Variants in KRABD5 observed in about 807,000 individuals in gnomAD.
KRABD5 encodes KRAB domain containing 5, also known as KRAB domain-containing protein 5.
chr16:31,718,783 C>G, the KRABD5 span, among the ~76,000 whole-genome samples: 2,644 of 152,292 alleles, frequency 0.017, 75 homozygotes, highest in African/African-American at 0.061. Flanking sequence ...GCCCAAATCA[C>G]TACTGGGGCA....
chr16:31,752,124 T>TTAC, the KRABD5 span, among the ~76,000 whole-genome samples: 1 of 152,230 alleles, frequency 6.6e-6, no homozygotes, highest in Non-Finnish European at 1.5e-5. Flanking sequence ...AAAGTATGAC[T>TTAC]GGTATGATTT....
At chr16:31,740,748 A>T in the KRABD5 span, among the ~76,000 whole-genome samples, 1 of 152,052 alleles carries the variant, frequency 6.6e-6, no homozygotes, top group Non-Finnish European at 1.5e-5. Flanking sequence ...ACATTGAGCT[A>T]TGATTGTACC....
the KRABD5 span, among the ~76,000 whole-genome samples, chr16:31,742,306 C>A: frequency 1.3e-5 from 2 of 152,050 alleles, no homozygotes; most frequent in African/African-American, 4.8e-5. Context: ...TGTTCCTTCC[C>A]CTCACCCACC....
At chr16:31,742,467 C>T in the KRABD5 span, among the ~76,000 whole-genome samples, 1 of 152,208 alleles carries the variant, frequency 6.6e-6, no homozygotes, top group African/African-American at 2.4e-5. Context: ...CAGCTTCATT[C>T]ACGTCCCTGC....
At chr16:31,721,478 TATAA>T in the KRABD5 span, among the ~76,000 whole-genome samples, 3 of 151,124 alleles carry the variant, frequency 2.0e-5, no homozygotes, top group African/African-American at 4.8e-5. Flanking sequence ...AATAAATAAA[TATAA>T]ATAAATAATA....
the KRABD5 span, chr16:31,723,338 G>A: frequency 3.1e-6 from 5 of 1,612,848 alleles, no homozygotes; most frequent in Non-Finnish European, 4.2e-6. Context: ...TGCAGAGACA[G>A]TAGCCATCCA....
chr16:31,718,795 C>T, the KRABD5 span, among the ~76,000 whole-genome samples: 1 of 152,182 alleles, frequency 6.6e-6, no homozygotes, highest in Non-Finnish European at 1.5e-5. Flanking sequence ...ACTGGGGCAT[C>T]AGTACAGGAT....
chr16:31,738,431 A>G, the KRABD5 span, among the ~76,000 whole-genome samples: 2 of 152,018 alleles, frequency 1.3e-5, no homozygotes, highest in Admixed American at 6.6e-5. Context: ...TAGACAGTGA[A>G]CCCGTTTATA....
chr16:31,737,601 C>A, the KRABD5 span, among the ~76,000 whole-genome samples: 1 of 152,068 alleles, frequency 6.6e-6, no homozygotes, highest in African/African-American at 2.4e-5. Flanking sequence ...TTCTTGGAAC[C>A]CTTGTTGAAT....
At chr16:31,741,235 C>T in the KRABD5 span, among the ~76,000 whole-genome samples, 4 of 152,120 alleles carry the variant, frequency 2.6e-5, no homozygotes, top group Non-Finnish European at 5.9e-5. Flanking sequence ...AGGCTGATTC[C>T]ATGTTTTTGC....
chr16:31,737,513 A>G, the KRABD5 span, among the ~76,000 whole-genome samples: 1 of 152,088 alleles, frequency 6.6e-6, no homozygotes, highest in African/African-American at 2.4e-5. Flanking sequence ...GTAAGGTCCA[A>G]CTTTATTTTT....
the KRABD5 span, among the ~76,000 whole-genome samples, chr16:31,730,139 T>C: frequency 6.6e-6 from 1 of 152,200 alleles, no homozygotes; most frequent in South Asian, 2.1e-4. Flanking sequence ...TGTTTTCATA[T>C]TTAGTTAGCA....
the KRABD5 span, among the ~76,000 whole-genome samples, chr16:31,728,433 A>T: frequency 6.6e-6 from 1 of 151,934 alleles, no homozygotes; most frequent in East Asian, 1.9e-4. Flanking sequence ...TTATTATTAT[A>T]AACTTCTGTA....
At chr16:31,757,513 A>T in the KRABD5 span, 1 of 152,186 alleles carries the variant, frequency 6.6e-6, no homozygotes, top group Non-Finnish European at 1.5e-5. Flanking sequence ...AACCCTACTG[A>T]GGAGGATGGG....
the KRABD5 span, among the ~76,000 whole-genome samples, chr16:31,746,962 C>T: frequency 6.6e-6 from 1 of 151,466 alleles, no homozygotes; most frequent in Admixed American, 6.6e-5. Flanking sequence ...TTTCTCAGCT[C>T]CATCAGGTCA....
the KRABD5 span, among the ~76,000 whole-genome samples, chr16:31,732,209 G>T: frequency 0.017 from 2,648 of 152,280 alleles, 76 homozygotes; most frequent in African/African-American, 0.061. Flanking sequence ...CTCCAGCTGG[G>T]TGTCAGAAAT....
chr16:31,735,213 TCATC>T, the KRABD5 span, among the ~76,000 whole-genome samples: 1 of 152,220 alleles, frequency 6.6e-6, no homozygotes, highest in African/African-American at 2.4e-5. Flanking sequence ...ATCTCATGGT[TCATC>T]CATGTTATTG....
chr16:31,719,122 C>A, the KRABD5 span, among the ~76,000 whole-genome samples: 1 of 152,202 alleles, frequency 6.6e-6, no homozygotes, highest in African/African-American at 2.4e-5. Context: ...TCCCTACCAT[C>A]TGGGAACTTT....
the KRABD5 span, among the ~76,000 whole-genome samples, chr16:31,715,357 T>G: frequency 6.6e-6 from 1 of 152,134 alleles, no homozygotes; most frequent in South Asian, 2.1e-4. Flanking sequence ...AGGAAGAAGA[T>G]TCTTTGCAGT....
Sources: allele counts gnomAD v4.1 joint callset (sites outside exome capture counted in the v4.1 genomes callset), GRCh38; gene constraint gnomAD v4.1.1; transcripts MANE v1.5; gene names NCBI Gene and HGNC (gene_info 2026-07-23, HGNC 2026-07-21).